The following CNTNAP2 variants were observed in gnomAD, a reference collection of about 807,000 sequenced individuals.
The protein encoded by CNTNAP2 is contactin-associated protein-like 2.
In CNTNAP2, 98 loss-of-function variants were observed where a neutral mutation model predicts 155.2. The observed-to-expected ratio is 0.63, with a 90% CI of 0.54 to 0.75. CNTNAP2 has a LOEUF of 0.75. Ranked by LOEUF, CNTNAP2 falls within the 30% of genes least tolerant of loss-of-function variation. CNTNAP2 has a pLI of 0.00. For synonymous variants in CNTNAP2, 651 were observed against 631.2 expected (o/e 1.03, Z -0.47); for missense variants, 1,727 against 1,688.1 (o/e 1.02, Z -0.40).
chr7:146,820,937 T>G (rs1408272023), intron 2 of CNTNAP2, among the ~76,000 whole-genome samples: 1 of 152,166 alleles, frequency 6.6e-6, no homozygotes, highest in East Asian at 1.9e-4. Context: ...TTTGTCTCTT[T>G]TGATCTTTGT....
intron 16 of CNTNAP2, among the ~76,000 whole-genome samples, chr7:148,133,492 G>T (rs1804876055): frequency 6.6e-6 from 1 of 152,064 alleles, no homozygotes; most frequent in Non-Finnish European, 1.5e-5. Flanking sequence ...TAATATGCAT[G>T]CTATGCTCTG....
chr7:147,669,002 T>C (rs1037240843), intron 13 of CNTNAP2, among the ~76,000 whole-genome samples: 1 of 152,158 alleles, frequency 6.6e-6, no homozygotes, highest in Non-Finnish European at 1.5e-5. Flanking sequence ...ATTTTTTCTA[T>C]GTTTAGATAT....
intron 1 of CNTNAP2, among the ~76,000 whole-genome samples, chr7:146,207,852 T>C (rs1015558400): frequency 6.6e-6 from 1 of 151,956 alleles, no homozygotes; most frequent in Admixed American, 6.6e-5. Flanking sequence ...TACTTTAAAA[T>C]CTCTGATGGA....
intron 1 of CNTNAP2, among the ~76,000 whole-genome samples, chr7:146,252,343 A>G (rs1407322495): frequency 6.6e-6 from 1 of 152,186 alleles, no homozygotes; most frequent in Non-Finnish European, 1.5e-5. Context: ...CCACTGTATT[A>G]CATATGCCAC....
intron 8 of CNTNAP2, among the ~76,000 whole-genome samples, chr7:147,276,109 C>A (rs369283615): frequency 6.6e-6 from 1 of 151,822 alleles, no homozygotes; most frequent in African/African-American, 2.4e-5. Context: ...TGCAATATCC[C>A]AGCATCAGGG....
intron 18 of CNTNAP2, among the ~76,000 whole-genome samples, chr7:148,201,822 A>C (rs1274188937): frequency 6.6e-6 from 1 of 152,176 alleles, no homozygotes; most frequent in East Asian, 1.9e-4. Flanking sequence ...CTATTAAAAA[A>C]AATAAGACAT....
chr7:147,586,442 G>A (rs564438100), intron 12 of CNTNAP2, among the ~76,000 whole-genome samples: 13 of 151,614 alleles, frequency 8.6e-5, no homozygotes, highest in African/African-American at 2.9e-4. Flanking sequence ...TGGCCAAGAG[G>A]TGGGGTCCAT....
At chr7:147,639,375 C>A in intron 13 of CNTNAP2, 69 bp downstream of exon 13, 1 of 1,433,816 alleles carries the variant, frequency 7.0e-7, no homozygotes, top group East Asian at 2.4e-5. Context: ...CTAAAGAATC[C>A]AACAGGTGTG....
intron 1 of CNTNAP2, among the ~76,000 whole-genome samples, chr7:146,514,530 C>G (rs1183795719): frequency 6.6e-6 from 1 of 151,974 alleles, no homozygotes; most frequent in East Asian, 1.9e-4. Context: ...CATTTTTCAT[C>G]TAATTCAATG....
chr7:146,843,838 G>T (rs1240617972), intron 3 of CNTNAP2, among the ~76,000 whole-genome samples: 1 of 152,038 alleles, frequency 6.6e-6, no homozygotes, highest in East Asian at 1.9e-4. Context: ...GACTTGAAGA[G>T]AATTCTGATA....
chr7:147,316,556 A>G (rs1795236947), intron 9 of CNTNAP2, among the ~76,000 whole-genome samples: 1 of 152,206 alleles, frequency 6.6e-6, no homozygotes, highest in Non-Finnish European at 1.5e-5. Context: ...TGGAGATGAT[A>G]CAATAAGGTT....
At position 146,140,539 on chromosome 7, in the gene CNTNAP2, A is replaced by T. The variant is rs144036590; in HGVS notation, c.97+23566A>T. On this transcript the variant is annotated intron_variant, in intron 1 of 23. Transcript: ENST00000361727. ...TTCTCATATATTAATTCTCATTCTT[A>T]GCCATTAAAATATTTGTACTTCAAG... Among the ~76,000 whole-genome samples the T allele has an allele frequency of 9.2e-5, 14 of 152,302 alleles. No homozygotes were observed. In the South Asian group the frequency reaches 1.7e-3, roughly 18 times the overall value.
At position 147,609,258 on chromosome 7, in the gene CNTNAP2, G is replaced by A. The variant is rs150372121; in HGVS notation, c.1898-29848G>A. Among the ~76,000 whole-genome samples the A allele has an allele frequency of 5.2e-3, 794 of 152,274 alleles. 7 individuals are homozygous for A. Among genetic ancestry groups the A allele is most frequent in the African/African-American group, 0.018 (736 of 41,560 alleles). ...CCTTTAAGAAGGTGGTGGGCCGGGC[G>A]CGGTGGCTCACGCCTGTAATCCCAG... On this transcript the variant is annotated intron_variant, in intron 12 of 23. Coordinates refer to ENST00000361727, the MANE Select transcript of CNTNAP2 (RefSeq NM_014141.6).
intron 1 of CNTNAP2, among the ~76,000 whole-genome samples, chr7:146,133,707 A>G (rs1797752770): frequency 6.6e-6 from 1 of 152,176 alleles, no homozygotes; most frequent in Non-Finnish European, 1.5e-5. Flanking sequence ...CAGGTTTGTC[A>G]AAGGTCAGAT....
chr7:147,889,267 G>C (rs180681055), intron 13 of CNTNAP2, among the ~76,000 whole-genome samples: 2 of 151,958 alleles, frequency 1.3e-5, no homozygotes, highest in East Asian at 3.9e-4. Flanking sequence ...GAGAAAAAAA[G>C]GTACAAATAT....
rs149633351 is a variant in CNTNAP2 at position 147,428,095 on chromosome 7, GA to G, written c.1670+32318del. On this transcript the variant is annotated intron_variant, in intron 10 of 23. Transcript: ENST00000361727. ...TAGATTTAGTTGGCTCATATTAAAAGAAATACTAATCAGTAACAGTACAGCT... is the reference window on the plus strand; with the variant it reads ...TAGATTTAGTTGGCTCATATTAAAAGAATACTAATCAGTAACAGTACAGCT... 8.4e-3 allele frequency among the ~76,000 whole-genome samples: 1,272 copies of G among 152,198 alleles called. 19 individuals carry two copies. The highest frequency in any genetic ancestry group is 0.029 in the African/African-American group (1,215 of 41,530).
At chr7:146,928,192 A>G (rs948222989) in intron 3 of CNTNAP2, among the ~76,000 whole-genome samples, 3 of 152,036 alleles carry the variant, frequency 2.0e-5, no homozygotes, top group Non-Finnish European at 2.9e-5. Context: ...CAAGTGTCCA[A>G]AAGTTCTAAT....
intron 1 of CNTNAP2, among the ~76,000 whole-genome samples, chr7:146,287,230 C>T (rs1584849458): frequency 6.6e-6 from 1 of 152,156 alleles, no homozygotes; most frequent in East Asian, 1.9e-4. Flanking sequence ...GGAGGGATGA[C>T]TCATACTGCT....
chr7:146,832,264 G>A (rs1271837109), intron 2 of CNTNAP2, among the ~76,000 whole-genome samples: 1 of 151,986 alleles, frequency 6.6e-6, no homozygotes, highest in Non-Finnish European at 1.5e-5. Flanking sequence ...TATTTTCAAT[G>A]TTCAGAAGGT....
Sources: allele counts gnomAD v4.1 joint callset (sites outside exome capture counted in the v4.1 genomes callset), GRCh38; gene constraint gnomAD v4.1.1; transcripts MANE v1.5; gene names NCBI Gene and HGNC (gene_info 2026-07-23, HGNC 2026-07-21).